GOLGA1: variants seen among roughly 807,000 people sequenced by gnomAD.
GOLGA1 encodes the protein golgin A1.
In GOLGA1, 63 loss-of-function variants were observed where a neutral mutation model predicts 119.7. The observed-to-expected ratio is 0.53, with a 90% CI of 0.43 to 0.65. GOLGA1 has a LOEUF of 0.65. Ranked by LOEUF, GOLGA1 falls within the 30% of genes least tolerant of loss-of-function variation. GOLGA1 has a pLI of 0.00. For missense variants in GOLGA1, 798 were observed against 912.8 expected (o/e 0.87, Z 1.62); for synonymous variants, 318 against 333.4 (o/e 0.95, Z 0.50).
rs1319171958 is a variant in GOLGA1, at chr9:124,879,166, TTC to T, written c.*1362_*1363del. The T allele has an allele frequency of 6.6e-6, 1 of 152,202 alleles. No homozygotes were observed. The highest frequency in any genetic ancestry group is 1.5e-5 in the Non-Finnish European group (1 of 68,024). The allele number at this position is 152,202 out of a possible 1,614,324, so 9.4% of individuals were successfully genotyped here. A position where few individuals can be genotyped will look rare whatever the true frequency, so the allele number is the denominator to read the frequency against. The stretch of plus-strand genomic sequence containing the variant: ...CTAAGCATGATTGAGAAATACAACT[TTC>T]CATCACTGGATAATGGATAATAAAT... On this transcript the variant is annotated 3_prime_UTR_variant, in exon 23 of 23. Transcript: ENST00000373555.
rs147995030 is a variant in GOLGA1 at position 124,900,451 on chromosome 9, C to A, written c.1161+1G>T. 6.9e-7 allele frequency: 1 copy of A among 1,458,868 alleles called. No individual in the cohort carries two copies. Among genetic ancestry groups the A allele is most frequent in the South Asian group, 1.1e-5 (1 of 87,950 alleles). The allele number at this position is 1,458,868 out of a possible 1,614,324, so 90.4% of individuals were successfully genotyped here. On this transcript the variant is annotated splice_donor_variant, in intron 13 of 22. Coordinates refer to ENST00000373555, the MANE Select transcript of GOLGA1 (RefSeq NM_002077.4). LOFTEE classifies it high-confidence loss of function. ...ATGCAGCAGCTCCAATAAGCACTTA[C>A]GAGCTCCTGTATCTGAGTTTCCTGG... is the stretch of plus-strand genomic sequence containing the variant.
At chr9:124,917,926 C>G (rs1447706412) in intron 10 of GOLGA1, among the ~76,000 whole-genome samples, 1 of 152,066 alleles carries the variant, frequency 6.6e-6, no homozygotes, top group Non-Finnish European at 1.5e-5. Context: ...AATCTCGGCT[C>G]ACTGCAACCT....
At position 124,881,353 on chromosome 9, in the gene GOLGA1, A is replaced by G. The variant is rs1003069239; in HGVS notation, c.2137-96T>C. On this transcript the variant is annotated intron_variant, in intron 21 of 22. Coordinates refer to ENST00000373555, the MANE Select transcript of GOLGA1 (RefSeq NM_002077.4). The surrounding 1 kb of genome is among the most constrained non-coding windows in gnomAD (Gnocchi z 4.9). ...GTGGCATTTCCTGCTTGCTTTGGTT[A>G]GCAGGACCAGGTGGTGGGTGACGCT... 1 of 773,546 alleles carries G rather than the reference A, an allele frequency of 1.3e-6. No homozygotes were observed. The highest frequency in any genetic ancestry group is 1.7e-5 in the Admixed American group (1 of 57,464). The allele number at this position is 773,546 out of a possible 1,614,324, so 47.9% of individuals were successfully genotyped here.
chr9:124,929,854 T>C (rs748735993), intron 4 of GOLGA1, among the ~76,000 whole-genome samples: 50 of 152,294 alleles, frequency 3.3e-4, no homozygotes, highest in Non-Finnish European at 6.9e-4. Context: ...GAATTAATTA[T>C]CTAGGTGGCC....
At chr9:124,898,521 T>G in intron 15 of GOLGA1, 28 bp downstream of exon 15, 1 of 1,292,100 alleles carries the variant, frequency 7.7e-7, no homozygotes, top group Non-Finnish European at 1.1e-6. Flanking sequence ...AACACTTTTA[T>G]GAAACTTTGA....
chr9:124,879,214 TTTAG>T lies in GOLGA1; in HGVS notation c.*1312_*1315del, dbSNP rs1213550681. The T allele has an allele frequency of 6.6e-6, 1 of 152,330 alleles. No individual in the cohort carries two copies. The highest frequency in any genetic ancestry group is 2.4e-5 in the African/African-American group (1 of 41,566). 9.4% of individuals were successfully genotyped at this position (152,330 alleles called of 1,614,324 possible). ...TAAATTTAGAGGCTCCAGTTATTAA[TTTAG>T]TTTTTTATTTAACCAGTGAAACTTT... On this transcript the variant is annotated 3_prime_UTR_variant, in exon 23 of 23. Transcript: ENST00000373555.
rs1831006272 is a variant in GOLGA1, at chr9:124,941,010, G to A, written c.-245C>T. 6.6e-6 allele frequency: 1 copy of A among 152,358 alleles called. No individual in the cohort carries two copies. The highest frequency in any genetic ancestry group is 2.4e-5 in the African/African-American group (1 of 41,422). 9.4% of individuals were successfully genotyped at this position (152,358 alleles called of 1,614,324 possible). A position where few individuals can be genotyped will look rare whatever the true frequency, so the allele number is the denominator to read the frequency against. On this transcript the variant is annotated 5_prime_UTR_variant, in exon 1 of 23. Transcript: ENST00000373555. ...GAAGCCAGCAAAGCCCCGCCTCCCG[G>A]GCCTCTCGTGAGCCCCGGCCCGCGT... is the stretch of plus-strand genomic sequence containing the variant.
At chr9:124,886,304 G>A (rs558422743) in intron 19 of GOLGA1, among the ~76,000 whole-genome samples, 17 of 152,278 alleles carry the variant, frequency 1.1e-4, no homozygotes, top group Admixed American at 3.9e-4. Flanking sequence ...TGTGCACGGC[G>A]GGTGGCAGTG....
At chr9:124,921,957 C>T (rs866729171) in intron 8 of GOLGA1, 65 bp from the exon 9 acceptor site, 4 of 1,361,388 alleles carry the variant, frequency 2.9e-6, no homozygotes, top group African/African-American at 2.9e-5. Flanking sequence ...ATCAGGCATG[C>T]TGGCTCACGC....
At chr9:124,916,715 AT>A (rs1830452743) in intron 10 of GOLGA1, among the ~76,000 whole-genome samples, 2 of 151,132 alleles carry the variant, frequency 1.3e-5, no homozygotes. Flanking sequence ...CTATAAAAAA[AT>A]TTTTTTTTAA....
chr9:124,910,381 A>G (rs749499230), intron 11 of GOLGA1, among the ~76,000 whole-genome samples: 13 of 152,212 alleles, frequency 8.5e-5, no homozygotes, highest in Non-Finnish European at 1.9e-4. Context: ...TATATACTTT[A>G]AACAAACTTC....
chr9:124,945,154 GTT>G (rs1831125566), upstream of GOLGA1: 1 of 150,542 alleles, frequency 6.6e-6, no homozygotes, highest in Non-Finnish European at 1.5e-5. Context: ...GAATAAGTGA[GTT>G]TGTAGTTTTA....
At chr9:124,903,062 G>A (rs1325115478) in intron 12 of GOLGA1, among the ~76,000 whole-genome samples, 1 of 152,128 alleles carries the variant, frequency 6.6e-6, no homozygotes. Context: ...ATATCACCCT[G>A]CAATTTTATT....
At chr9:124,930,528 T>C (rs895916565) in intron 4 of GOLGA1, among the ~76,000 whole-genome samples, 1 of 152,158 alleles carries the variant, frequency 6.6e-6, no homozygotes, top group African/African-American at 2.4e-5. Flanking sequence ...TACAAATACT[T>C]CACATACAAT....
chr9:124,925,371 T>G (rs1452801131), intron 7 of GOLGA1, among the ~76,000 whole-genome samples: 1 of 152,026 alleles, frequency 6.6e-6, no homozygotes, highest in Non-Finnish European at 1.5e-5. Flanking sequence ...TTTTTTTTTT[T>G]TTTTCAAGCA....
chr9:124,918,181 C>G (rs536702411), intron 10 of GOLGA1, among the ~76,000 whole-genome samples: 3 of 152,132 alleles, frequency 2.0e-5, no homozygotes, highest in African/African-American at 7.2e-5. Flanking sequence ...TAGGATCTCA[C>G]TAAATCTCGT....
chr9:124,878,503 A>AT lies in GOLGA1; in HGVS notation c.*2026dup, dbSNP rs1829497134. 1 of 152,698 alleles carries AT rather than the reference A, an allele frequency of 6.5e-6. No homozygotes were observed. Among genetic ancestry groups the AT allele is most frequent in the South Asian group, 2.1e-4 (1 of 4,838 alleles). The allele number at this position is 152,698 out of a possible 1,614,324, so 9.5% of individuals were successfully genotyped here. On this transcript the variant is annotated 3_prime_UTR_variant, in exon 23 of 23. Transcript: ENST00000373555. ...AGATCCATCGCTCGTATAAAGGGCT[A>AT]TAGATACCGTCGCTAACACAGAAAG...
At chr9:124,891,259 C>T (rs775635659) in intron 15 of GOLGA1, among the ~76,000 whole-genome samples, 2 of 152,202 alleles carry the variant, frequency 1.3e-5, no homozygotes, top group East Asian at 3.8e-4. Flanking sequence ...CACTGTGGCA[C>T]AAAGCAGGGC....
At chr9:124,902,178 C>G (rs1469393061) in intron 12 of GOLGA1, among the ~76,000 whole-genome samples, 1 of 152,086 alleles carries the variant, frequency 6.6e-6, no homozygotes, top group African/African-American at 2.4e-5. Flanking sequence ...GTGGCATGAT[C>G]TCGGCTCACT....
Sources: gnomAD v4.1 joint callset for allele counts (sites outside exome capture counted in the v4.1 genomes callset) on GRCh38, gnomAD v4.1.1 for gene constraint, Gnocchi (gnomAD v3.1) non-coding constraint, MANE v1.5 for transcripts, NCBI Gene and HGNC (gene_info 2026-07-23, HGNC 2026-07-21) for gene names.